Variants in THAP3 observed in about 807,000 individuals in gnomAD.
The protein encoded by THAP3 is THAP domain-containing protein 3.
Under a neutral mutation model 17.7 loss-of-function variants are expected in THAP3, and 12 were observed. The observed-to-expected ratio is 0.68, with a 90% confidence interval of 0.43 to 1.10. THAP3 has a LOEUF of 1.10. Ranked by LOEUF, THAP3 falls within the 50% of genes least tolerant of loss-of-function variation. THAP3 has a pLI of 0.00. For missense variants in THAP3, 289 were observed against 318.0 expected, an observed-to-expected ratio of 0.91 and a Z score of 0.69; for synonymous variants, 133 against 126.9, an observed-to-expected ratio of 1.05 and a Z score of -0.32.
At position 6,632,843 on chromosome 1, in the gene THAP3, T is replaced by G. The variant is rs1399871551; in HGVS notation, c.486T>G (p.Thr162=). 3.7e-6 allele frequency: 6 copies of G among 1,612,966 alleles called. No individual in the cohort carries two copies. Among genetic ancestry groups the G allele is most frequent in the Non-Finnish European group, 5.1e-6 (6 of 1,179,906 alleles). Residue 162 remains threonine (T), a synonymous_variant, in exon 6 of 6, where the codon ACT becomes ACG. Coordinates refer to ENST00000054650, the MANE Select transcript of THAP3 (RefSeq NM_001195753.2). ...CAACAGAGGCTGTTGGCCGGCCGAC[T>G]GGCCCTGCAGGCCTGAGAAGGACCC... is the stretch of plus-strand genomic sequence containing the variant. The part of the protein sequence containing the change: ...PQATEAVGRP[T]GPAGLRRTPN...
intron 5 of THAP3, 145 bp downstream of exon 5, chr1:6,632,640 C>A (rs1641651462): frequency 6.9e-7 from 1 of 1,439,722 alleles, no homozygotes; most frequent in Non-Finnish European, 9.5e-7. Flanking sequence ...CAGTCAAATT[C>A]TCCACCATGG....
Position 6,628,673 on chromosome 1 carries a change from C to A in THAP3, c.249C>A (p.Ala83=). The A allele has an allele frequency of 1.9e-6, 3 of 1,613,136 alleles. No homozygotes were observed. Among genetic ancestry groups the A allele is most frequent in the Non-Finnish European group, 2.5e-6 (3 of 1,179,754 alleles). The change falls in exon 3 of 6, where the codon GCC becomes GCA. Residue 83 remains alanine, a synonymous_variant. Transcript: ENST00000054650. ...ACAATGCCGTGCCCACGGTGTTCGC[C>A]TTTCAGGACCCCACACAGGTAGGAG... ...LKHNAVPTVF[A]FQDPTQQVRE...
In THAP3 at chr1:6,624,964, G is replaced by A. The variant is rs1557450760; in HGVS notation, c.-70+10G>A. 3 of 523,392 alleles carry A rather than the reference G, an allele frequency of 5.7e-6. No homozygotes were observed. Among genetic ancestry groups the A allele is most frequent in the Non-Finnish European group, 3.4e-6 (1 of 296,022 alleles). The allele number at this position is 523,392 out of a possible 1,614,324, so 32.4% of individuals were successfully genotyped here. On this transcript the variant is annotated intron_variant, in intron 1 of 5. Coordinates refer to ENST00000054650, the MANE Select transcript of THAP3 (RefSeq NM_001195753.2). ...AGCATTGGCGAATGGGGTAAGACTT[G>A]CACAGGCCCAAGGCTAGGAGTTGGG...
At position 6,632,990 on chromosome 1, in the gene THAP3, G is replaced by T; in HGVS notation, c.633G>T (p.Leu211=). ...GGAAGCGCTTGCAGGCCCAGAGGCTGGTGATGCGAAGGATGTCCAGCCGCC... is the reference window on the plus strand; with the variant it reads ...GGAAGCGCTTGCAGGCCCAGAGGCTTGTGATGCGAAGGATGTCCAGCCGCC... The part of the protein sequence containing the change: ...KLRKRLQAQR[L]VMRRMSSRLR... The change falls in exon 6 of 6, where the codon CTG becomes CTT. Residue 211 remains leucine (L), a synonymous_variant. Transcript: ENST00000054650. 1.9e-6 allele frequency: 3 copies of T among 1,612,862 alleles called. No homozygotes were observed. The highest frequency in any genetic ancestry group is 2.5e-6 in the Non-Finnish European group (3 of 1,179,860).
chr1:6,628,269 C>T, intron 2 of THAP3: 1 of 495,982 alleles, frequency 2.0e-6, no homozygotes, highest in Non-Finnish European at 3.5e-6. Context: ...GCATCGGAAG[C>T]AGCTCACTTG....
Position 6,632,997 on chromosome 1 carries a change from C to A in THAP3, c.640C>A (p.Arg214=), listed in dbSNP as rs187819489. ...CTTGCAGGCCCAGAGGCTGGTGATG[C>A]GAAGGATGTCCAGCCGCCTCCGTGC... is the stretch of plus-strand genomic sequence containing the variant. ...KRLQAQRLVM[R]RMSSRLRACK... The change falls in exon 6 of 6, where the codon CGA becomes AGA. Residue 214 remains arginine (R), a synonymous_variant. Transcript: ENST00000054650. 1.9e-6 allele frequency: 3 copies of A among 1,612,776 alleles called. No homozygotes were observed. The highest frequency in any genetic ancestry group is 1.3e-5 in the African/African-American group (1 of 75,076).
At chr1:6,633,995 A>C, downstream of THAP3, 1 of 1,608,008 alleles carries the variant, frequency 6.2e-7, no homozygotes, top group Admixed American at 1.7e-5. Context: ...CTGATTTCCT[A>C]ACTTGGGGTC....
At chr1:6,627,268 T>C (rs1641491254) in intron 2 of THAP3, among the ~76,000 whole-genome samples, 1 of 152,170 alleles carries the variant, frequency 6.6e-6, no homozygotes, top group African/African-American at 2.4e-5. Flanking sequence ...TCCGCAGGGT[T>C]GGCCGCCACA....
chr1:6,632,733 G>C (rs1362171135), intron 5 of THAP3, 63 bp from the exon 6 acceptor site: 1 of 1,594,190 alleles, frequency 6.3e-7, no homozygotes, highest in East Asian at 2.2e-5. Context: ...CTGGTGGCCT[G>C]CTCACCATGG....
chr1:6,628,825 C>T, intron 3 of THAP3, 134 bp downstream of exon 3: 1 of 848,456 alleles, frequency 1.2e-6, no homozygotes, highest in Non-Finnish European at 1.8e-6. Context: ...CACTGTCACG[C>T]CTCTGGGGTC....
chr1:6,634,612 C>A, downstream of THAP3: 1 of 1,366,360 alleles, frequency 7.3e-7, no homozygotes, highest in East Asian at 4.6e-5. Flanking sequence ...AGACAGGCCT[C>A]ACGTAACTTT....
downstream of THAP3, chr1:6,633,931 C>A: frequency 2.5e-6 from 3 of 1,217,268 alleles, no homozygotes; most frequent in Non-Finnish European, 3.5e-6. Flanking sequence ...AAAAAACTGA[C>A]TTCCTATTTT....
rs1485681993 is a variant in THAP3, at chr1:6,625,209, C to T, written c.-10C>T. The T allele has an allele frequency of 1.9e-6, 3 of 1,540,340 alleles. No individual in the cohort carries two copies. The highest frequency in any genetic ancestry group is 1.2e-5 in the South Asian group (1 of 83,458). ...CCATCTTTGTTGGGGGCAGCCAGGC[C>T]TGGCTCGAGATGCCGAAGTCGTGCG... On this transcript the variant is annotated 5_prime_UTR_variant, in exon 2 of 6. Transcript: ENST00000054650.
chr1:6,627,832 C>G (rs2148716130), intron 2 of THAP3: 1 of 152,522 alleles, frequency 6.6e-6, no homozygotes, highest in South Asian at 2.1e-4. Flanking sequence ...CTGCCAATGC[C>G]TGGTCCCACA....
chr1:6,635,570 A>C (rs1477309616), downstream of THAP3: 2 of 1,181,060 alleles, frequency 1.7e-6, no homozygotes, highest in African/African-American at 3.1e-5. Context: ...CTATAATAAT[A>C]ATATAAAATA....
In THAP3 at chr1:6,628,580, G is replaced by T. The variant is rs192360348; in HGVS notation, c.156G>T (p.Thr52=). ...GCAACTTCAAGCCCAAGCAGCACAC[G>T]GTCATCTGCTCCGAGCACTTCCGGC... The part of the protein sequence containing the change: ...GRGNFKPKQH[T]VICSEHFRPE... Residue 52 remains threonine (T), a synonymous_variant, in exon 3 of 6, where the codon ACG becomes ACT. Transcript: ENST00000054650. 6.8e-5 allele frequency: 109 copies of T among 1,613,718 alleles called. No individual in the cohort carries two copies. In the South Asian group the frequency reaches 7.1e-4, roughly 11 times the overall value.
chr1:6,625,345 C>G (rs1480222475), intron 2 of THAP3, 53 bp downstream of exon 2: 3 of 1,485,132 alleles, frequency 2.0e-6, no homozygotes, highest in East Asian at 2.9e-5. Flanking sequence ...GGCCCGCGGA[C>G]CGACTCCGAG....
rs1289704901 is a variant in THAP3, at chr1:6,625,299, G to A, written c.74+7G>A. On this transcript the variant is annotated splice_region_variant and intron_variant, in intron 2 of 5. Transcript: ENST00000054650. ...AGCAGCTCACCTTCCACCGGTAAGA[G>A]GCGGGGACCCGGGGGCGCGGGAGGC... 5 of 1,531,214 alleles carry A rather than the reference G, an allele frequency of 3.3e-6. No homozygotes were observed. Among genetic ancestry groups the A allele is most frequent in the Non-Finnish European group, 4.4e-6 (5 of 1,141,376 alleles). The allele number at this position is 1,531,214 out of a possible 1,614,324, so 94.9% of individuals were successfully genotyped here. A position where few individuals can be genotyped will look rare whatever the true frequency, so the allele number is the denominator to read the frequency against.
At position 6,632,931 on chromosome 1, in the gene THAP3, C is replaced by G; in HGVS notation, c.574C>G (p.Leu192Val). The change falls in exon 6 of 6, where the codon CTC (leucine) becomes GTC (valine). Residue 192 changes from leucine (L) to valine (V), a missense_variant. Leu to Val is a conservative substitution (Grantham distance 32). Coordinates refer to ENST00000054650, the MANE Select transcript of THAP3 (RefSeq NM_001195753.2). ...LLDLDSLKKK[L>V]FLTLKENEKL... ...GGACTTAGATTCCCTGAAGAAAAAA[C>G]TCTTCCTCACTCTGAAGGAAAATGA... The G allele has an allele frequency of 6.2e-7, 1 of 1,612,980 alleles. No homozygotes were observed. The highest frequency in any genetic ancestry group is 8.5e-7 in the Non-Finnish European group (1 of 1,179,908).
Sources: gnomAD v4.1 joint callset for allele counts (sites outside exome capture counted in the v4.1 genomes callset) on GRCh38, gnomAD v4.1.1 for gene constraint, MANE v1.5 for transcripts, NCBI Gene and HGNC (gene_info 2026-07-23, HGNC 2026-07-21) for gene names.